DIP2C: variants seen among roughly 807,000 people sequenced by gnomAD.
The protein encoded by DIP2C is DIP2 acetate--CoA ligase C (putative), also known as disco-interacting protein 2 homolog C.
DIP2C carries 33 observed loss-of-function variants against 192.4 expected under a neutral mutation model. The ratio of observed to expected loss-of-function variants is 0.17; its 90% CI spans 0.13 to 0.23. The LOEUF is 0.23. DIP2C is among the 10% of genes least tolerant of loss of function. The probability of loss-of-function intolerance (pLI) is 1.00; values close to 1 mark genes in which losing one functional copy is unlikely to be tolerated. For synonymous variants in DIP2C, 979 were observed against 864.1 expected (o/e 1.13, Z -2.33); for missense variants, 1,537 against 2,110.1 (o/e 0.73, Z 5.32).
chr10:282,915 G>A (rs1402261776), intron 35 of DIP2C, among the ~76,000 whole-genome samples: 2 of 152,274 alleles, frequency 1.3e-5, no homozygotes, highest in Non-Finnish European at 2.9e-5. Flanking sequence ...GATGGACCCC[G>A]TGGGAGCAGG....
chr10:545,255 C>T (rs1848225883), intron 1 of DIP2C, among the ~76,000 whole-genome samples: 1 of 149,944 alleles, frequency 6.7e-6, no homozygotes, highest in Non-Finnish European at 1.5e-5. Context: ...CAACCTCCGC[C>T]TCCCAGGTTC....
chr10:278,724 G>T (rs1400706987), intron 36 of DIP2C, among the ~76,000 whole-genome samples: 3 of 152,220 alleles, frequency 2.0e-5, no homozygotes, highest in Non-Finnish European at 4.4e-5. Context: ...AGCAGGACAG[G>T]CACCAGAGGA....
intron 1 of DIP2C, among the ~76,000 whole-genome samples, chr10:612,348 CAGCTA>C (rs1226735574): frequency 6.6e-6 from 1 of 151,772 alleles, no homozygotes; most frequent in Non-Finnish European, 1.5e-5. Flanking sequence ...TCAAATATAT[CAGCTA>C]AAAGAAAAAT....
chr10:325,592 TAAG>T (rs1392194594), intron 31 of DIP2C, among the ~76,000 whole-genome samples: 1 of 152,180 alleles, frequency 6.6e-6, no homozygotes, highest in East Asian at 1.9e-4. Context: ...TTGCTGAACT[TAAG>T]AAGCAGACTT....
At chr10:584,166 C>G (rs1483583404) in intron 1 of DIP2C, among the ~76,000 whole-genome samples, 2 of 152,112 alleles carry the variant, frequency 1.3e-5, no homozygotes, top group Admixed American at 6.6e-5. Flanking sequence ...TAACTAAAAA[C>G]AAAACATCAA....
intron 2 of DIP2C, among the ~76,000 whole-genome samples, chr10:485,903 G>A (rs529770180): frequency 1.3e-5 from 2 of 152,188 alleles, no homozygotes; most frequent in East Asian, 3.8e-4. Context: ...TCTTTTTCCT[G>A]ACATTTACAG....
At chr10:626,205 G>A (rs1564283820) in intron 1 of DIP2C, among the ~76,000 whole-genome samples, 1 of 152,188 alleles carries the variant, frequency 6.6e-6, no homozygotes, top group Non-Finnish European at 1.5e-5. Flanking sequence ...GACGGGGACA[G>A]TCAGGGTCTC....
chr10:303,321 T>A (rs1956147371), intron 32 of DIP2C, among the ~76,000 whole-genome samples: 1 of 152,234 alleles, frequency 6.6e-6, no homozygotes, highest in African/African-American at 2.4e-5. Context: ...TGTAGATTCA[T>A]AAACACTGTA....
intron 1 of DIP2C, among the ~76,000 whole-genome samples, chr10:582,917 A>G (rs1347138905): frequency 6.6e-6 from 1 of 152,250 alleles, no homozygotes; most frequent in Non-Finnish European, 1.5e-5. Context: ...ATTTTCAAAT[A>G]AAATTTCTGA....
chr10:416,377 C>T (rs1028173437), intron 6 of DIP2C, among the ~76,000 whole-genome samples: 19 of 152,066 alleles, frequency 1.2e-4, no homozygotes, highest in Middle Eastern at 3.2e-3. Flanking sequence ...CGCTGAGTCA[C>T]GTCTGGAACC....
At chr10:586,516 C>CA (rs1851038355) in intron 1 of DIP2C, among the ~76,000 whole-genome samples, 1 of 152,180 alleles carries the variant, frequency 6.6e-6, no homozygotes, top group African/African-American at 2.4e-5. Flanking sequence ...GTAAACCCTC[C>CA]AGGCAAACTT....
At chr10:572,525 C>A (rs1849887320) in intron 1 of DIP2C, among the ~76,000 whole-genome samples, 1 of 152,124 alleles carries the variant, frequency 6.6e-6, no homozygotes, top group African/African-American at 2.4e-5. Flanking sequence ...CAGCTTCTTA[C>A]CGAGGTTGTA....
At chr10:596,949 G>GT (rs921052000) in intron 1 of DIP2C, among the ~76,000 whole-genome samples, 1 of 152,246 alleles carries the variant, frequency 6.6e-6, no homozygotes, top group African/African-American at 2.4e-5. Flanking sequence ...CGTGGCATTG[G>GT]TTTTGTGTAT....
rs745347735 is a variant in DIP2C, at chr10:636,500, G to A, written c.85+52994C>T. On this transcript the variant is annotated intron_variant, in intron 1 of 36. Transcript: ENST00000280886. This position sits in a 1 kb window ranked among gnomAD's most constrained non-coding sequence, Gnocchi z 4.6. ...GGTGACAGGCTCCTGCCACCTCGCCGAGTCCTCACGCACGCGTTCCCTAAG... is the reference window on the plus strand; with the variant it reads ...GGTGACAGGCTCCTGCCACCTCGCCAAGTCCTCACGCACGCGTTCCCTAAG... 3.3e-5 allele frequency among the ~76,000 whole-genome samples: 5 copies of A among 152,080 alleles called. No homozygotes were observed. The highest frequency in any genetic ancestry group is 4.8e-5 in the African/African-American group (2 of 41,398).
At chr10:364,197 G>C (rs959765433) in intron 20 of DIP2C, among the ~76,000 whole-genome samples, 177 bp downstream of exon 20, 8 of 152,154 alleles carry the variant, frequency 5.3e-5, no homozygotes, top group African/African-American at 1.9e-4. Context: ...ATAAAATCTT[G>C]GACATTCAGA....
At chr10:621,583 G>A (rs1348465609) in intron 1 of DIP2C, among the ~76,000 whole-genome samples, 1 of 152,190 alleles carries the variant, frequency 6.6e-6, no homozygotes, top group Non-Finnish European at 1.5e-5. Context: ...AGGAGGAGGA[G>A]GAAGGATGCG....
At position 463,254 on chromosome 10, in the gene DIP2C, C is replaced by T. The variant is rs1969938936; in HGVS notation, c.268+9185G>A. On this transcript the variant is annotated intron_variant, in intron 3 of 36. Coordinates refer to ENST00000280886, the MANE Select transcript of DIP2C (RefSeq NM_014974.3). ...ATGATTGTTATTTAGAAAACCCCAT[C>T]ATCTCAGCCCAAAATCTCCTTAAGC... is the stretch of plus-strand genomic sequence containing the variant. Among the ~76,000 whole-genome samples, 4 of 152,158 alleles carry T rather than the reference C, an allele frequency of 2.6e-5. No individual in the cohort carries two copies. In the South Asian group the frequency reaches 8.3e-4, roughly 32 times the overall value.
At chr10:592,567 C>T (rs888983483) in intron 1 of DIP2C, among the ~76,000 whole-genome samples, 2 of 151,594 alleles carry the variant, frequency 1.3e-5, no homozygotes, top group African/African-American at 2.4e-5. Flanking sequence ...TGGAATTCCT[C>T]GATTACAGGT....
intron 1 of DIP2C, among the ~76,000 whole-genome samples, chr10:576,677 G>A (rs1850182173): frequency 6.6e-6 from 1 of 152,192 alleles, no homozygotes; most frequent in Non-Finnish European, 1.5e-5. Context: ...AGGAAGGTGA[G>A]GTGGGTGATC....
Sources: allele counts gnomAD v4.1 joint callset (sites outside exome capture counted in the v4.1 genomes callset), GRCh38; gene constraint gnomAD v4.1.1; non-coding constraint Gnocchi (gnomAD v3.1); transcripts MANE v1.5; gene names NCBI Gene and HGNC (gene_info 2026-07-23, HGNC 2026-07-21).